SPOCK3: variants seen among roughly 807,000 people sequenced by gnomAD.
The protein encoded by SPOCK3 is testican-3.
Under a neutral mutation model 56.6 loss-of-function variants are expected in SPOCK3, and 30 were observed. That is an observed-to-expected ratio of 0.53 (90% CI 0.40 to 0.72). The LOEUF is 0.72. Ranked by LOEUF, SPOCK3 falls within the 30% of genes least tolerant of loss-of-function variation. SPOCK3 has a pLI of 0.00. For missense variants in SPOCK3, 527 were observed against 530.0 expected (o/e 0.99, Z 0.06); for synonymous variants, 196 against 183.3 (o/e 1.07, Z -0.56).
At chr4:166,909,861 T>C (rs1027057630) in intron 5 of SPOCK3, among the ~76,000 whole-genome samples, 1 of 152,150 alleles carries the variant, frequency 6.6e-6, no homozygotes, top group Non-Finnish European at 1.5e-5. Flanking sequence ...CTTATCTATA[T>C]TCTATTTTCA....
intron 6 of SPOCK3, among the ~76,000 whole-genome samples, chr4:166,803,299 A>C (rs1742813718): frequency 6.6e-6 from 1 of 152,206 alleles, no homozygotes; most frequent in African/African-American, 2.4e-5. Context: ...ATTCATAAAT[A>C]ATTTGCCTTT....
At chr4:167,045,609 A>G (rs1469386442) in intron 3 of SPOCK3, among the ~76,000 whole-genome samples, 2 of 151,954 alleles carry the variant, frequency 1.3e-5, no homozygotes, top group Non-Finnish European at 2.9e-5. Flanking sequence ...TAGTTTCCCT[A>G]GAGTTTGTGT....
chr4:167,001,325 AT>A, intron 3 of SPOCK3, among the ~76,000 whole-genome samples: 1 of 152,190 alleles, frequency 6.6e-6, no homozygotes, highest in Admixed American at 6.5e-5. Context: ...TACTCATCTA[AT>A]TTCCATCTCT....
chr4:166,983,379 C>T (rs1449715112), intron 4 of SPOCK3, among the ~76,000 whole-genome samples: 2 of 152,076 alleles, frequency 1.3e-5, no homozygotes, highest in Non-Finnish European at 2.9e-5. Flanking sequence ...CTATTCTCTT[C>T]TTCTATGACC....
intron 7 of SPOCK3, among the ~76,000 whole-genome samples, chr4:166,786,057 A>G (rs1437889515): frequency 5.3e-5 from 8 of 152,144 alleles, no homozygotes. Context: ...AATATTTACT[A>G]GAAAGAATAA....
intron 4 of SPOCK3, among the ~76,000 whole-genome samples, chr4:167,000,126 T>C (rs1748797372): frequency 6.6e-6 from 1 of 152,118 alleles, no homozygotes; most frequent in African/African-American, 2.4e-5. Context: ...TAAGACCTTC[T>C]TTATTTAATA....
chr4:166,808,314 C>CAT (rs1281663936), intron 6 of SPOCK3, among the ~76,000 whole-genome samples: 2 of 152,076 alleles, frequency 1.3e-5, no homozygotes, highest in African/African-American at 4.8e-5. Context: ...CTCCCAAACA[C>CAT]ATATGTTGAA....
At chr4:166,839,890 G>C (rs1747053760) in intron 6 of SPOCK3, among the ~76,000 whole-genome samples, 1 of 152,146 alleles carries the variant, frequency 6.6e-6, no homozygotes, top group African/African-American at 2.4e-5. Context: ...AAAGTCCCCT[G>C]GGTTTTGTAA....
Position 167,192,312 on chromosome 4 carries a change from G to A in SPOCK3, c.189+41673C>T, listed in dbSNP as rs929433709. Among the ~76,000 whole-genome samples, 118 of 145,566 alleles carry A rather than the reference G, an allele frequency of 8.1e-4. 14 individuals carry two copies. Among genetic ancestry groups the A allele is most frequent in the African/African-American group, 3.1e-3 (117 of 38,214 alleles). On this transcript the variant is annotated intron_variant, in intron 2 of 10. Transcript: ENST00000357545. ...ATTCCAACCCGATAATATGAATTTG[G>A]AAGTGTTCTCTCCAAACTTTTTTTG...
chr4:166,962,445 T>C (rs1357222028), intron 4 of SPOCK3, among the ~76,000 whole-genome samples: 1 of 152,114 alleles, frequency 6.6e-6, no homozygotes, highest in African/African-American at 2.4e-5. Flanking sequence ...TAAACCATCA[T>C]CTGTTTTAAA....
At chr4:167,076,496 A>G (rs927976044) in intron 2 of SPOCK3, among the ~76,000 whole-genome samples, 1 of 151,858 alleles carries the variant, frequency 6.6e-6, no homozygotes, top group Non-Finnish European at 1.5e-5. Context: ...TAAAAAATAA[A>G]TCACAGAAAA....
chr4:167,177,796 T>A (rs1731113232), intron 2 of SPOCK3, among the ~76,000 whole-genome samples: 1 of 152,156 alleles, frequency 6.6e-6, no homozygotes, highest in African/African-American at 2.4e-5. Flanking sequence ...AGGTCCAGAA[T>A]CATCTTGTCT....
At chr4:167,185,832 A>C (rs190916610) in intron 2 of SPOCK3, among the ~76,000 whole-genome samples, 207 of 152,328 alleles carry the variant, frequency 1.4e-3, no homozygotes, top group Non-Finnish European at 2.5e-3. Context: ...TAAAATAAAA[A>C]TGCAAATATT....
At chr4:167,152,090 G>A (rs1001630062) in intron 2 of SPOCK3, among the ~76,000 whole-genome samples, 5 of 152,110 alleles carry the variant, frequency 3.3e-5, no homozygotes, top group Non-Finnish European at 7.4e-5. Flanking sequence ...AACAACAACA[G>A]TTCTAAAAAG....
intron 2 of SPOCK3, among the ~76,000 whole-genome samples, chr4:167,172,534 T>C (rs1730598466): frequency 6.6e-6 from 1 of 152,174 alleles, no homozygotes; most frequent in African/African-American, 2.4e-5. Flanking sequence ...CACATTAGTA[T>C]ATATAGATAT....
chr4:167,148,978 G>A (rs1276050418), intron 2 of SPOCK3, among the ~76,000 whole-genome samples: 3 of 152,068 alleles, frequency 2.0e-5, no homozygotes, highest in Non-Finnish European at 4.4e-5. Context: ...TTTGAAGGAT[G>A]TATTAATTTG....
chr4:167,213,262 TCTTC>T (rs1321571147), intron 2 of SPOCK3, among the ~76,000 whole-genome samples: 2 of 152,238 alleles, frequency 1.3e-5, no homozygotes, highest in Non-Finnish European at 2.9e-5. Flanking sequence ...ATGTGCAATT[TCTTC>T]CTGTGTTTGT....
chr4:167,195,215 T>G (rs1580579010), intron 2 of SPOCK3, among the ~76,000 whole-genome samples: 1 of 152,174 alleles, frequency 6.6e-6, no homozygotes, highest in African/African-American at 2.4e-5. Context: ...GTTCTCAGAC[T>G]GTAGCTGAGA....
chr4:166,928,040 T>A (rs751877029), intron 4 of SPOCK3, among the ~76,000 whole-genome samples: 2 of 152,156 alleles, frequency 1.3e-5, no homozygotes, highest in Non-Finnish European at 2.9e-5. Flanking sequence ...CACTATAAAC[T>A]TATTAGAATG....
Sources: allele counts gnomAD v4.1 joint callset (sites outside exome capture counted in the v4.1 genomes callset), GRCh38; gene constraint gnomAD v4.1.1; transcripts MANE v1.5; gene names NCBI Gene and HGNC (gene_info 2026-07-23, HGNC 2026-07-21).